The following USH2A variants were observed in gnomAD, a reference collection of about 807,000 sequenced individuals.
The protein encoded by USH2A is usherin.
A neutral mutation model predicts 538.9 loss-of-function variants in USH2A; 443 were observed. The ratio of observed to expected loss-of-function variants is 0.82; its 90% CI spans 0.76 to 0.89. USH2A has a LOEUF of 0.89. Ranked by LOEUF, USH2A falls within the 40% of genes least tolerant of loss-of-function variation. The probability of loss-of-function intolerance (pLI) is 0.00; values close to 1 mark genes in which losing one functional copy is unlikely to be tolerated. For missense variants in USH2A, 6,633 were observed against 6,324.8 expected, an observed-to-expected ratio of 1.05 and a Z score of -1.65; for synonymous variants, 2,413 against 2,273.5, an observed-to-expected ratio of 1.06 and a Z score of -1.75.
chr1:216,126,746 T>C (rs957188413), intron 21 of USH2A, among the ~76,000 whole-genome samples: 5 of 152,176 alleles, frequency 3.3e-5, no homozygotes, highest in Admixed American at 6.5e-5. Context: ...TGATCCATGA[T>C]TGTTTTACCA....
chr1:216,367,844 T>C (rs17026617), intron 3 of USH2A, among the ~76,000 whole-genome samples: 1,722 of 152,294 alleles, frequency 0.011, 27 homozygotes, highest in African/African-American at 0.04. Flanking sequence ...ATTCCGATGG[T>C]CCCCTTGCCA....
At chr1:216,302,056 T>C (rs1277731566) in intron 9 of USH2A, among the ~76,000 whole-genome samples, 2 of 152,198 alleles carry the variant, frequency 1.3e-5, no homozygotes, top group Non-Finnish European at 1.5e-5. Flanking sequence ...TTTTTTCCAA[T>C]GGAAGTGTCC....
At chr1:215,822,551 A>G (rs10082095) in intron 47 of USH2A, among the ~76,000 whole-genome samples, 59,547 of 151,672 alleles carry the variant, frequency 0.39, 12,088 homozygotes, top group Admixed American at 0.52. Flanking sequence ...TAATTATAAG[A>G]GCATGTCATC....
chr1:216,203,421 G>C (rs2102474686), intron 16 of USH2A, among the ~76,000 whole-genome samples: 2 of 152,018 alleles, frequency 1.3e-5, no homozygotes, highest in African/African-American at 4.8e-5. Context: ...ATGTGAATAT[G>C]GTCTTTCTCT....
At position 216,012,131 on chromosome 1, in the gene USH2A, C is replaced by T. The variant is rs563020622; in HGVS notation, c.6326-11569G>A. The stretch of plus-strand genomic sequence containing the variant: ...CCTCCCCAGTAGCTGGGACTACAGG[C>T]GCCCACGCTTGATTTATTGATGGCA... On this transcript the variant is annotated intron_variant, in intron 32 of 71. Transcript: ENST00000307340. Among the ~76,000 whole-genome samples, 196 of 33,370 alleles carry T rather than the reference C, an allele frequency of 5.9e-3. 71 individuals carry two copies. The highest frequency in any genetic ancestry group is 0.015 in the African/African-American group (186 of 12,040). The allele number at this position is 33,370 out of a possible 152,430, so 21.9% of individuals were successfully genotyped here. A position where few individuals can be genotyped will look rare whatever the true frequency, so the allele number is the denominator to read the frequency against.
At chr1:216,219,978 C>T (rs184213017) in intron 14 of USH2A, among the ~76,000 whole-genome samples, 1 of 152,248 alleles carries the variant, frequency 6.6e-6, no homozygotes, top group Non-Finnish European at 1.5e-5. Flanking sequence ...AAGTTGGCCT[C>T]TGTCTCCTAC....
chr1:215,707,022 G>A (rs1659202194), intron 61 of USH2A, among the ~76,000 whole-genome samples: 1 of 151,938 alleles, frequency 6.6e-6, no homozygotes, highest in Non-Finnish European at 1.5e-5. Context: ...TAGAAGTTGT[G>A]GTTCTTATTT....
At chr1:216,296,533 G>C (rs997895002) in intron 9 of USH2A, among the ~76,000 whole-genome samples, 11 of 152,010 alleles carry the variant, frequency 7.2e-5, no homozygotes, top group African/African-American at 2.7e-4. Context: ...TTGCTAAGCT[G>C]TTAGCTGACA....
At chr1:216,201,098 A>G (rs1332593274) in intron 16 of USH2A, among the ~76,000 whole-genome samples, 1 of 149,406 alleles carries the variant, frequency 6.7e-6, no homozygotes, top group Non-Finnish European at 1.5e-5. Flanking sequence ...CTGAGTTTGC[A>G]GAAGACTGAA....
chr1:216,270,003 A>G (rs1441076914), intron 11 of USH2A, among the ~76,000 whole-genome samples: 1 of 152,172 alleles, frequency 6.6e-6, no homozygotes, highest in Non-Finnish European at 1.5e-5. Context: ...ATGTGTGAAC[A>G]TAACTATTTT....
At chr1:216,357,505 A>T (rs1197509962) in intron 4 of USH2A, among the ~76,000 whole-genome samples, 1 of 152,158 alleles carries the variant, frequency 6.6e-6, no homozygotes, top group Non-Finnish European at 1.5e-5. Flanking sequence ...AAGTACAAGC[A>T]TATGGGCTAA....
chr1:216,174,720 A>G, intron 21 of USH2A: 1 of 993,386 alleles, frequency 1.0e-6, no homozygotes, highest in Non-Finnish European at 1.2e-6. Context: ...TTCTTCATAG[A>G]ACATGAGATA....
chr1:216,383,093 TCTCA>T (rs1266949522), intron 3 of USH2A, among the ~76,000 whole-genome samples: 6 of 152,086 alleles, frequency 3.9e-5, no homozygotes, highest in Non-Finnish European at 5.9e-5. Flanking sequence ...CCTGTAAGAA[TCTCA>T]CTCAGGCACA....
intron 40 of USH2A, 91 bp from the exon 41 acceptor site, chr1:215,889,145 G>T: frequency 6.7e-7 from 1 of 1,485,508 alleles, no homozygotes; most frequent in Non-Finnish European, 9.2e-7. Flanking sequence ...CTGCTACAAG[G>T]ATATGAAAAT....
chr1:216,378,861 T>A (rs1308261171), intron 3 of USH2A, among the ~76,000 whole-genome samples: 1 of 152,074 alleles, frequency 6.6e-6, no homozygotes, highest in Non-Finnish European at 1.5e-5. Flanking sequence ...ATTTTTATAA[T>A]TTTTTTTCTC....
intron 32 of USH2A, among the ~76,000 whole-genome samples, chr1:216,028,967 T>C (rs1306674008): frequency 1.3e-5 from 2 of 152,130 alleles, no homozygotes; most frequent in Non-Finnish European, 2.9e-5. Flanking sequence ...AGCCAAAATA[T>C]AATTAGTGAT....
chr1:215,650,974 C>T (rs1657058031), intron 64 of USH2A, among the ~76,000 whole-genome samples, 173 bp from the exon 65 acceptor site: 1 of 151,880 alleles, frequency 6.6e-6, no homozygotes, highest in African/African-American at 2.4e-5. Context: ...GCAAGGAGAG[C>T]AGGCTGTTCC....
intron 30 of USH2A, among the ~76,000 whole-genome samples, chr1:216,059,128 TAGAG>T (rs748499681): frequency 5.3e-5 from 8 of 152,206 alleles, no homozygotes; most frequent in Middle Eastern, 3.4e-3. Context: ...AATACATATA[TAGAG>T]AGAGAGCATA....
chr1:215,856,114 A>G (rs1003261901), intron 44 of USH2A, among the ~76,000 whole-genome samples: 1 of 152,262 alleles, frequency 6.6e-6, no homozygotes, highest in Non-Finnish European at 1.5e-5. Context: ...ATCCTTCTAG[A>G]CATTAGTTTA....
Sources: allele counts gnomAD v4.1 joint callset (sites outside exome capture counted in the v4.1 genomes callset), GRCh38; gene constraint gnomAD v4.1.1; transcripts MANE v1.5; gene names NCBI Gene and HGNC (gene_info 2026-07-23, HGNC 2026-07-21).